Variants in EYA4 observed in about 807,000 individuals in gnomAD.
EYA4 encodes EYA transcriptional coactivator and phosphatase 4, also known as protein phosphatase EYA4.
In EYA4, 31 loss-of-function variants were observed where a neutral mutation model predicts 87.9. The observed-to-expected ratio is 0.35, with a 90% CI of 0.27 to 0.48. The LOEUF is 0.48. EYA4 is among the 20% of genes least tolerant of loss of function. The probability of loss-of-function intolerance (pLI) is 0.99; values close to 1 mark genes in which losing one functional copy is unlikely to be tolerated. For synonymous variants in EYA4, 263 were observed against 270.6 expected, an observed-to-expected ratio of 0.97 and a Z score of 0.28; for missense variants, 678 against 761.4, an observed-to-expected ratio of 0.89 and a Z score of 1.29.
intron 13 of EYA4, among the ~76,000 whole-genome samples, chr6:133,483,695 A>ATTG (rs61276340): frequency 0.034 from 3,733 of 110,960 alleles, 169 homozygotes; most frequent in East Asian, 0.18. Context: ...TATTTATTTC[A>ATTG]TTGTTATTAT....
chr6:133,402,962 C>G (rs531585529), intron 3 of EYA4, among the ~76,000 whole-genome samples: 10 of 152,292 alleles, frequency 6.6e-5, no homozygotes, highest in African/African-American at 1.4e-4. Flanking sequence ...AGCACCCACT[C>G]TACCAACTTG....
At chr6:133,250,153 T>C (rs1375753979) in intron 1 of EYA4, among the ~76,000 whole-genome samples, 1 of 152,188 alleles carries the variant, frequency 6.6e-6, no homozygotes, top group Non-Finnish European at 1.5e-5. Flanking sequence ...ATAAACCCAG[T>C]AGAATTGCAG....
intron 14 of EYA4, among the ~76,000 whole-genome samples, chr6:133,507,518 C>T (rs914974897): frequency 2.6e-5 from 4 of 152,104 alleles, no homozygotes; most frequent in Admixed American, 6.5e-5. Flanking sequence ...AATGTTATCC[C>T]TCTCCTAGCC....
chr6:133,353,955 A>G (rs1783825908), intron 2 of EYA4, among the ~76,000 whole-genome samples: 1 of 152,176 alleles, frequency 6.6e-6, no homozygotes, highest in Non-Finnish European at 1.5e-5. Context: ...TGTTGATGGA[A>G]ATTCAGATAA....
Position 133,428,718 on chromosome 6 carries a change from A to C in EYA4, c.84-17912A>C, listed in dbSNP as rs1466614421. On this transcript the variant is annotated intron_variant, in intron 3 of 19. Coordinates refer to ENST00000355286, the MANE Select transcript of EYA4 (RefSeq NM_004100.5). ...TCAGACTACATGCTCCCTCCTTTATATTCAGCGGAAGAGGCAGTTTGAATA... is the reference window on the plus strand; with the variant it reads ...TCAGACTACATGCTCCCTCCTTTATCTTCAGCGGAAGAGGCAGTTTGAATA... Among the ~76,000 whole-genome samples, 4 of 152,054 alleles carry C rather than the reference A, an allele frequency of 2.6e-5. No homozygotes were observed. In the East Asian group the frequency reaches 7.7e-4, roughly 29 times the overall value.
intron 2 of EYA4, among the ~76,000 whole-genome samples, chr6:133,377,974 T>TCACA (rs5880179): frequency 2.7e-4 from 41 of 150,724 alleles, no homozygotes; most frequent in African/African-American, 1.0e-3. Context: ...TATATTATGT[T>TCACA]CACACACACA....
At chr6:133,287,975 G>T (rs62430312) in intron 2 of EYA4, among the ~76,000 whole-genome samples, 1 of 151,866 alleles carries the variant, frequency 6.6e-6, no homozygotes, top group Non-Finnish European at 1.5e-5. Context: ...CTAAAAATAC[G>T]AAAATTAGCC....
chr6:133,474,656 G>A (rs1378743888), intron 11 of EYA4, among the ~76,000 whole-genome samples: 6 of 152,064 alleles, frequency 3.9e-5, no homozygotes, highest in Non-Finnish European at 8.8e-5. Flanking sequence ...AGAATTCTAT[G>A]ACCTCAGACC....
intron 2 of EYA4, among the ~76,000 whole-genome samples, chr6:133,343,008 A>C (rs1313425696): frequency 6.6e-6 from 1 of 152,172 alleles, no homozygotes; most frequent in Admixed American, 6.5e-5. Flanking sequence ...AACAGTTGCC[A>C]TAACCATGAA....
Position 133,483,079 on chromosome 6 carries a change from A to G in EYA4, c.1155A>G (p.Ser385=). ...DLDETIIVFH[S]LLTGSYAQKY... ...ATGAAACCATCATTGTTTTTCACTC[A>G]CTGCTCACCGGGTCTTATGCACAGA... The change falls in exon 13 of 20, where the codon TCA becomes TCG. Residue 385 remains serine (S), a synonymous_variant. Transcript: ENST00000355286. 6.2e-7 allele frequency: 1 copy of G among 1,613,314 alleles called. No homozygotes were observed. The highest frequency in any genetic ancestry group is 8.5e-7 in the Non-Finnish European group (1 of 1,179,508).
At chr6:133,469,682 A>C (rs988315460) in intron 11 of EYA4, among the ~76,000 whole-genome samples, 1 of 152,016 alleles carries the variant, frequency 6.6e-6, no homozygotes, top group Non-Finnish European at 1.5e-5. Flanking sequence ...TATATGCAAA[A>C]ATTAACTCCA....
chr6:133,509,849 C>G (rs1180455181), intron 14 of EYA4, among the ~76,000 whole-genome samples: 1 of 152,076 alleles, frequency 6.6e-6, no homozygotes, highest in African/African-American at 2.4e-5. Context: ...TAGTATTTCA[C>G]TTTTTGGTCA....
intron 13 of EYA4, among the ~76,000 whole-genome samples, chr6:133,498,441 A>C (rs190662159): frequency 6.6e-6 from 1 of 152,248 alleles, no homozygotes; most frequent in Admixed American, 6.5e-5. Flanking sequence ...CACAGAATAA[A>C]CATTCAGTAA....
intron 3 of EYA4, among the ~76,000 whole-genome samples, chr6:133,395,895 T>G (rs1164097733): frequency 6.6e-6 from 1 of 152,250 alleles, no homozygotes; most frequent in Non-Finnish European, 1.5e-5. Context: ...GAGTTTACTT[T>G]CAAGAAAGTC....
At chr6:133,341,338 A>G (rs1782760421) in intron 2 of EYA4, among the ~76,000 whole-genome samples, 1 of 152,228 alleles carries the variant, frequency 6.6e-6, no homozygotes, top group South Asian at 2.1e-4. Context: ...TCACCTGTCC[A>G]TCAAATCATT....
At chr6:133,506,916 A>G (rs1463768056) in intron 14 of EYA4, among the ~76,000 whole-genome samples, 1 of 152,190 alleles carries the variant, frequency 6.6e-6, no homozygotes, top group African/African-American at 2.4e-5. Flanking sequence ...AGAATTCGAA[A>G]TAACTAAATA....
intron 9 of EYA4, among the ~76,000 whole-genome samples, chr6:133,463,354 C>CTTTTTTTTTT (rs571663764): frequency 8.7e-6 from 1 of 115,246 alleles, no homozygotes; most frequent in Non-Finnish European, 1.8e-5. Flanking sequence ...TGTGTTTTAT[C>CTTTTTTTTTT]TTTTTTTTTT....
chr6:133,262,650 A>C (rs927364131), intron 1 of EYA4, among the ~76,000 whole-genome samples: 1 of 152,250 alleles, frequency 6.6e-6, no homozygotes, highest in African/African-American at 2.4e-5. Flanking sequence ...CTTGCCATCA[A>C]ATGAACTTAT....
At chr6:133,477,933 G>T (rs73544975) in intron 11 of EYA4, among the ~76,000 whole-genome samples, 1 of 151,628 alleles carries the variant, frequency 6.6e-6, no homozygotes, top group Non-Finnish European at 1.5e-5. Flanking sequence ...TTTCTTAATG[G>T]GCAAAAGATT....
Sources: gnomAD v4.1 joint callset for allele counts (sites outside exome capture counted in the v4.1 genomes callset) on GRCh38, gnomAD v4.1.1 for gene constraint, MANE v1.5 for transcripts, NCBI Gene and HGNC (gene_info 2026-07-23, HGNC 2026-07-21) for gene names.